MMP26: variants seen among roughly 807,000 people sequenced by gnomAD.
MMP26 encodes the protein matrix metalloproteinase-26.
MMP26 carries 33 observed loss-of-function variants against 31.0 expected under a neutral mutation model. That is an observed-to-expected ratio of 1.06 (90% CI 0.81 to 1.42). The LOEUF (loss-of-function observed/expected upper bound fraction) is 1.42. MMP26 is among the 40% of genes most tolerant of loss of function. MMP26 has a pLI of 0.00. For missense variants in MMP26, 347 were observed against 316.1 expected (o/e 1.10, Z -0.74); for synonymous variants, 122 against 114.9 (o/e 1.06, Z -0.40).
intron 2 of MMP26, among the ~76,000 whole-genome samples, chr11:4,869,736 A>G (rs755624119): frequency 1.3e-4 from 20 of 152,372 alleles, no homozygotes; most frequent in African/African-American, 3.8e-4. Flanking sequence ...CCAAAGGATT[A>G]TAAATCATGC....
chr11:4,812,033 C>A (rs1219291257), intron 2 of MMP26, among the ~76,000 whole-genome samples: 2 of 152,104 alleles, frequency 1.3e-5, no homozygotes, highest in African/African-American at 4.8e-5. Context: ...GATTTCTGGG[C>A]AGTTTTGAGA....
intron 1 of MMP26, among the ~76,000 whole-genome samples, chr11:4,746,831 T>TCACACA (rs3223670): frequency 0.013 from 1,777 of 137,180 alleles, 14 homozygotes; most frequent in Middle Eastern, 0.026. Context: ...TAAGTCTCTG[T>TCACACA]CACACACACA....
At position 4,827,388 on chromosome 11, in the gene MMP26, C is replaced by T. The variant is rs1849590910; in HGVS notation, c.-145+60047C>T. Among the ~76,000 whole-genome samples the T allele has an allele frequency of 2.6e-5, 4 of 152,068 alleles. No individual in the cohort carries two copies. The South Asian group carries it at 8.3e-4, about 32-fold the overall frequency. On this transcript the variant is annotated intron_variant, in intron 2 of 7. Transcript: ENST00000380390. ...AAAGTCAATTAAAATGATATGCTTACCAACTTGTTTCCTTTTTTTAAAAAC... is the reference window on the plus strand; with the variant it reads ...AAAGTCAATTAAAATGATATGCTTATCAACTTGTTTCCTTTTTTTAAAAAC...
chr11:4,943,880 A>C (rs1463031385), intron 2 of MMP26: 3 of 447,834 alleles, frequency 6.7e-6, no homozygotes, highest in Non-Finnish European at 1.3e-5. Flanking sequence ...TAAAATACAG[A>C]TGATCTTTGA....
intron 2 of MMP26, among the ~76,000 whole-genome samples, chr11:4,965,300 AT>A (rs1846577158): frequency 6.6e-6 from 1 of 152,172 alleles, no homozygotes; most frequent in Non-Finnish European, 1.5e-5. Context: ...TCCTTGGGAT[AT>A]TTTGTGGACT....
chr11:4,768,908 A>C, intron 2 of MMP26: 1 of 965,774 alleles, frequency 1.0e-6, no homozygotes, highest in Non-Finnish European at 1.5e-6. Flanking sequence ...ATAGGCAGTA[A>C]GAGAGCAAGT....
At chr11:4,739,451 C>T (rs1848284026) in intron 1 of MMP26, among the ~76,000 whole-genome samples, 1 of 152,074 alleles carries the variant, frequency 6.6e-6, no homozygotes, top group Non-Finnish European at 1.5e-5. Flanking sequence ...TCTGGTAGTG[C>T]TTTGAATATT....
intron 2 of MMP26, among the ~76,000 whole-genome samples, chr11:4,830,629 GTC>G (rs1352484382): frequency 1.3e-5 from 2 of 152,198 alleles, no homozygotes; most frequent in African/African-American, 2.4e-5. Context: ...TATTGCTTTT[GTC>G]TCTGTCAGAA....
chr11:4,979,797 C>T (rs925115720), intron 2 of MMP26, among the ~76,000 whole-genome samples: 1 of 151,982 alleles, frequency 6.6e-6, no homozygotes, highest in Admixed American at 6.6e-5. Context: ...ATTCATTAGC[C>T]TTAGGTACAT....
intron 2 of MMP26, among the ~76,000 whole-genome samples, chr11:4,931,984 C>A (rs748333603): frequency 6.6e-6 from 1 of 151,936 alleles, no homozygotes; most frequent in Non-Finnish European, 1.5e-5. Flanking sequence ...TTCCTTGATC[C>A]CTCAGAAAAA....
chr11:4,978,698 C>T (rs536678195), intron 2 of MMP26, among the ~76,000 whole-genome samples: 70 of 152,262 alleles, frequency 4.6e-4, no homozygotes, highest in African/African-American at 1.6e-3. Context: ...CATTGTCTCA[C>T]GTATCATCAC....
chr11:4,849,746 A>C (rs1306727948), intron 2 of MMP26, among the ~76,000 whole-genome samples: 1 of 152,132 alleles, frequency 6.6e-6, no homozygotes, highest in Non-Finnish European at 1.5e-5. Context: ...TTTGGCTACT[A>C]TGGATCTATT....
chr11:4,712,048 T>C (rs1847869474), intron 1 of MMP26: 1 of 152,202 alleles, frequency 6.6e-6, no homozygotes, highest in Non-Finnish European at 1.5e-5. Context: ...AAATGGGCAT[T>C]GGACTTTGGG....
At chr11:4,806,714 A>G (rs936839727) in intron 2 of MMP26, among the ~76,000 whole-genome samples, 1 of 152,192 alleles carries the variant, frequency 6.6e-6, no homozygotes, top group African/African-American at 2.4e-5. Flanking sequence ...TTATAAGTCT[A>G]GATTTAAACT....
intron 2 of MMP26, among the ~76,000 whole-genome samples, chr11:4,936,653 G>A (rs552042823): frequency 6.6e-6 from 1 of 152,168 alleles, no homozygotes; most frequent in Admixed American, 6.6e-5. Flanking sequence ...TCTAAGAGCT[G>A]GGCGTAAAAT....
rs977480156 is a variant in MMP26, at chr11:4,772,477, A to T, written c.-145+5136A>T. ...ACCATAGGGAGAATGATAGATGTCC[A>T]TTCTCAAATCCATTCTTTTTCAAAC... On this transcript the variant is annotated intron_variant, in intron 2 of 7. Transcript: ENST00000380390. Among the ~76,000 whole-genome samples, 11 of 152,300 alleles carry T rather than the reference A, an allele frequency of 7.2e-5. No homozygotes were observed. In the Middle Eastern group the frequency reaches 0.014, roughly 188 times the overall value.
chr11:4,911,718 AGG>A (rs1036196709), intron 2 of MMP26, among the ~76,000 whole-genome samples: 3 of 152,140 alleles, frequency 2.0e-5, no homozygotes, highest in African/African-American at 7.2e-5. Flanking sequence ...CTCTTTATAG[AGG>A]CCTTCCCTGC....
intron 2 of MMP26, among the ~76,000 whole-genome samples, chr11:4,987,383 AT>A (rs1417034313): frequency 6.7e-6 from 1 of 149,914 alleles, no homozygotes; most frequent in Non-Finnish European, 1.5e-5. Flanking sequence ...GGTCTTGGAG[AT>A]TTTTTTTGTT....
chr11:4,884,557 G>C (rs1157927852), intron 2 of MMP26, among the ~76,000 whole-genome samples: 1 of 152,036 alleles, frequency 6.6e-6, no homozygotes, highest in Non-Finnish European at 1.5e-5. Flanking sequence ...CTATGGCAGA[G>C]TCTCTGACCC....
Sources: gnomAD v4.1 joint callset for allele counts (sites outside exome capture counted in the v4.1 genomes callset) on GRCh38, gnomAD v4.1.1 for gene constraint, MANE v1.5 for transcripts, NCBI Gene and HGNC (gene_info 2026-07-23, HGNC 2026-07-21) for gene names.